LEF1: variants seen among roughly 807,000 people sequenced by gnomAD.
LEF1 encodes lymphoid enhancer-binding factor 1.
LEF1 carries 14 observed loss-of-function variants against 51.2 expected under a neutral mutation model. The ratio of observed to expected loss-of-function variants is 0.27; its 90% confidence interval spans 0.18 to 0.43. The LOEUF (loss-of-function observed/expected upper bound fraction) is 0.43. LEF1 is among the 20% of genes least tolerant of loss of function. The probability of loss-of-function intolerance (pLI) is 1.00; values close to 1 mark genes in which losing one functional copy is unlikely to be tolerated. For missense variants in LEF1, 386 were observed against 512.0 expected (o/e 0.75, Z 2.37); for synonymous variants, 185 against 183.2 (o/e 1.01, Z -0.08).
intron 3 of LEF1, among the ~76,000 whole-genome samples, chr4:108,093,217 G>C (rs1205611886): frequency 1.3e-5 from 2 of 152,078 alleles, no homozygotes; most frequent in Non-Finnish European, 2.9e-5. Flanking sequence ...CAGTAACGCA[G>C]GGACACTGAA....
At chr4:108,113,757 AAAGT>A (rs552856533) in intron 3 of LEF1, among the ~76,000 whole-genome samples, 170 of 152,338 alleles carry the variant, frequency 1.1e-3, no homozygotes, top group African/African-American at 3.9e-3. Flanking sequence ...TGTCGAGAGA[AAAGT>A]AAGAGAGGCA....
At chr4:108,049,665 T>A (rs561128310) in intron 11 of LEF1, among the ~76,000 whole-genome samples, 5 of 152,350 alleles carry the variant, frequency 3.3e-5, no homozygotes, top group Admixed American at 3.3e-4. Context: ...CTCAGATGAA[T>A]CCCAACACTT....
intron 3 of LEF1, among the ~76,000 whole-genome samples, chr4:108,157,607 A>G (rs1744814440): frequency 6.6e-6 from 1 of 152,292 alleles, no homozygotes; most frequent in Middle Eastern, 3.4e-3. Context: ...TAAAGATTCT[A>G]CTTGTCCCTA....
chr4:108,157,725 G>C (rs1299989130), intron 3 of LEF1, among the ~76,000 whole-genome samples: 1 of 152,156 alleles, frequency 6.6e-6, no homozygotes. Flanking sequence ...CAAAACTCTT[G>C]CTTGCTCTGC....
intron 11 of LEF1, among the ~76,000 whole-genome samples, chr4:108,054,621 G>C (rs189939432): frequency 2.0e-5 from 3 of 152,308 alleles, no homozygotes; most frequent in South Asian, 4.1e-4. Context: ...CGACACATTC[G>C]GGGCAGCAAG....
chr4:108,137,575 C>T (rs1168118929), intron 3 of LEF1, among the ~76,000 whole-genome samples: 1 of 152,114 alleles, frequency 6.6e-6, no homozygotes, highest in African/African-American at 2.4e-5. Context: ...GGAAGAAGAG[C>T]AAAGTCTGAA....
intron 3 of LEF1, among the ~76,000 whole-genome samples, chr4:108,093,486 T>C (rs1361063893): frequency 6.6e-6 from 1 of 152,102 alleles, no homozygotes; most frequent in Non-Finnish European, 1.5e-5. Flanking sequence ...TAGCTTCCAG[T>C]TGAGAATCAC....
chr4:108,133,491 T>A lies in LEF1; in HGVS notation c.414+30077A>T, dbSNP rs145653932. On this transcript the variant is annotated intron_variant, in intron 3 of 11. Coordinates refer to ENST00000265165, the MANE Select transcript of LEF1 (RefSeq NM_016269.5). ...CTCAGAATGGGCCAGGGCTGTAAGCTCAGTCTATCAGAGAAACCTCTGTTG... is the reference window on the plus strand; with the variant it reads ...CTCAGAATGGGCCAGGGCTGTAAGCACAGTCTATCAGAGAAACCTCTGTTG... 6.2e-3 allele frequency among the ~76,000 whole-genome samples: 943 copies of A among 152,258 alleles called. 2 individuals are homozygous for A. The highest frequency in any genetic ancestry group is 0.013 in the Admixed American group (203 of 15,290).
At position 108,165,177 on chromosome 4, in the gene LEF1, T is replaced by A. The variant is rs777155776; in HGVS notation, c.214-14A>T. ...TTGTCTGGCCACCTAACATCATGAA[T>A]CCCCACACCCAAAAGAAAGAAAATC... On this transcript the variant is annotated splice_polypyrimidine_tract_variant and intron_variant, in intron 1 of 11. Transcript: ENST00000265165. 3.1e-6 allele frequency: 5 copies of A among 1,611,454 alleles called. No homozygotes were observed. The highest frequency in any genetic ancestry group is 4.2e-6 in the Non-Finnish European group (5 of 1,177,690).
chr4:108,107,986 A>G (rs1393409582), intron 3 of LEF1, among the ~76,000 whole-genome samples: 3 of 152,190 alleles, frequency 2.0e-5, no homozygotes, highest in African/African-American at 7.2e-5. Context: ...AGACATCCAC[A>G]GTGCTAAAGC....
chr4:108,144,238 C>A (rs10516552), intron 3 of LEF1, among the ~76,000 whole-genome samples: 4,901 of 152,300 alleles, frequency 0.032, 268 homozygotes, highest in African/African-American at 0.11. Context: ...TTATTAATCT[C>A]TCCCTCTGAA....
chr4:108,159,191 C>T (rs927021294), intron 3 of LEF1, among the ~76,000 whole-genome samples: 12 of 152,220 alleles, frequency 7.9e-5, no homozygotes, highest in East Asian at 3.9e-4. Context: ...GAATGGCAAG[C>T]GCTTCCAATT....
intron 3 of LEF1, among the ~76,000 whole-genome samples, chr4:108,125,818 T>C (rs1296288219): frequency 6.6e-6 from 1 of 152,088 alleles, no homozygotes; most frequent in South Asian, 2.1e-4. Flanking sequence ...GACTGTGCAG[T>C]GATTCATGTA....
At position 108,168,014 on chromosome 4, in the gene LEF1, C is replaced by G. The variant is rs1745527296; in HGVS notation, c.-247G>C. On this transcript the variant is annotated 5_prime_UTR_variant, in exon 1 of 12. Coordinates refer to ENST00000265165, the MANE Select transcript of LEF1 (RefSeq NM_016269.5). This position sits in a 1 kb window ranked among gnomAD's most constrained non-coding sequence, Gnocchi z 4.6. The stretch of plus-strand genomic sequence containing the variant: ...GCGGAGACCGACGCAGGCGCCCGCC[C>G]CCGAGGCCGAAGGGCACTGGGCGGC... The G allele has an allele frequency of 5.6e-6, 1 of 179,854 alleles. No homozygotes were observed. Among genetic ancestry groups the G allele is most frequent in the Non-Finnish European group, 1.1e-5 (1 of 87,346 alleles). 11.1% of individuals were successfully genotyped at this position (179,854 alleles called of 1,614,324 possible).
chr4:108,064,486 A>T, intron 9 of LEF1, 102 bp from the exon 10 acceptor site: 1 of 800,298 alleles, frequency 1.2e-6, no homozygotes, highest in Non-Finnish European at 2.1e-6. Flanking sequence ...AGAGGTAAAG[A>T]TGACTCATTC....
intron 3 of LEF1, among the ~76,000 whole-genome samples, chr4:108,162,700 G>C (rs1201302455): frequency 2.0e-5 from 3 of 152,088 alleles, no homozygotes; most frequent in African/African-American, 7.2e-5. Context: ...AGGTGATAAA[G>C]GGAGAGTGGG....
chr4:108,144,438 T>G (rs943758615), intron 3 of LEF1, among the ~76,000 whole-genome samples: 1 of 152,190 alleles, frequency 6.6e-6, no homozygotes, highest in Non-Finnish European at 1.5e-5. Flanking sequence ...CCCCTGGGAA[T>G]TGGCAGAGTT....
At chr4:108,123,746 T>C (rs1020606699) in intron 3 of LEF1, among the ~76,000 whole-genome samples, 4 of 152,154 alleles carry the variant, frequency 2.6e-5, no homozygotes, top group African/African-American at 9.7e-5. Flanking sequence ...TCAGCAGATG[T>C]TGCTTAGGGT....
chr4:108,140,621 G>T (rs1025053749), intron 3 of LEF1, among the ~76,000 whole-genome samples: 1 of 152,086 alleles, frequency 6.6e-6, no homozygotes, highest in Non-Finnish European at 1.5e-5. Context: ...AGCCATCTAG[G>T]TTTTCATCTT....
Sources: allele counts gnomAD v4.1 joint callset (sites outside exome capture counted in the v4.1 genomes callset), GRCh38; gene constraint gnomAD v4.1.1; non-coding constraint Gnocchi (gnomAD v3.1); transcripts MANE v1.5; gene names NCBI Gene and HGNC (gene_info 2026-07-23, HGNC 2026-07-21).